The following PYY variants were observed in gnomAD, a reference collection of about 807,000 sequenced individuals.
PYY encodes peptide YY.
A neutral mutation model predicts 10.3 loss-of-function variants in PYY; 12 were observed. The observed-to-expected ratio is 1.17, with a 90% CI of 0.75 to 1.89. PYY has a LOEUF of 1.89. Ranked by LOEUF, PYY falls within the 40% of genes most tolerant of loss-of-function variation. The pLI is 0.00. For synonymous variants in PYY, 66 were observed against 62.0 expected, an observed-to-expected ratio of 1.06 and a Z score of -0.30; for missense variants, 141 against 134.0, an observed-to-expected ratio of 1.05 and a Z score of -0.26.
chr17:43,957,841 A>G (rs2048684376), upstream of PYY: 1 of 154,562 alleles, frequency 6.5e-6, no homozygotes, highest in South Asian at 2.0e-4. Flanking sequence ...AGCTACCTTG[A>G]GAAGAGCAGG....
intron 1 of PYY, among the ~76,000 whole-genome samples, chr17:43,997,190 C>T (rs2048997351): frequency 1.3e-5 from 2 of 152,094 alleles, no homozygotes; most frequent in Admixed American, 1.3e-4. Flanking sequence ...AGGCATGCAC[C>T]ACCACGCCTG....
At chr17:43,998,044 T>C (rs2049002296) in intron 1 of PYY, among the ~76,000 whole-genome samples, 1 of 152,062 alleles carries the variant, frequency 6.6e-6, no homozygotes, top group African/African-American at 2.4e-5. Context: ...GTTCAAGTCA[T>C]TCTCCTGCCT....
At chr17:43,976,238 T>C (rs535530346) in intron 1 of PYY, among the ~76,000 whole-genome samples, 6 of 140,494 alleles carry the variant, frequency 4.3e-5, no homozygotes, top group Non-Finnish European at 9.1e-5. Flanking sequence ...TACATATGCG[T>C]ATATATACAC....
upstream of PYY, chr17:43,957,817 G>C (rs544028647): frequency 2.6e-5 from 4 of 154,536 alleles, no homozygotes; most frequent in African/African-American, 9.6e-5. Flanking sequence ...AGGAAGTGAG[G>C]AAGCAAACCA....
chr17:43,998,936 C>G (rs1321921560), intron 1 of PYY, among the ~76,000 whole-genome samples: 1 of 152,086 alleles, frequency 6.6e-6, no homozygotes, highest in Non-Finnish European at 1.5e-5. Flanking sequence ...ATCTGCAGTT[C>G]AGAAGAATGG....
chr17:43,995,328 TGTTTGGTTTG>T (rs1002246313), intron 1 of PYY, among the ~76,000 whole-genome samples: 2 of 152,260 alleles, frequency 1.3e-5, no homozygotes, highest in East Asian at 1.9e-4. Flanking sequence ...TAACCGTTTT[TGTTTGGTTTG>T]GTTTGGTTTG....
chr17:43,953,564 C>CG, intron 1 of PYY, 81 bp from the exon 2 acceptor site: 3 of 1,284,610 alleles, frequency 2.3e-6, no homozygotes, highest in Non-Finnish European at 3.2e-6. Flanking sequence ...GTCGGGGCCG[C>CG]GCTCCGACGC....
chr17:43,959,268 C>T (rs1329256776), intron 2 of PYY, among the ~76,000 whole-genome samples: 1 of 152,214 alleles, frequency 6.6e-6, no homozygotes, highest in Non-Finnish European at 1.5e-5. Context: ...TGGTCAATGA[C>T]TCAGACCTGT....
rs1412486994 is a variant in PYY at position 43,953,130 on chromosome 17, T to C, written c.248A>G (p.Glu83Gly). 1 of 1,613,984 alleles carries C rather than the reference T, an allele frequency of 6.2e-7. No homozygotes were observed. The highest frequency in any genetic ancestry group is 8.5e-7 in the Non-Finnish European group (1 of 1,179,924). The part of the protein sequence containing the change: ...LLSKTFFPDG[E>G]DRPVRSRSEG... ...TTACCGCGACCTGACGGGGCGGTCC[T>C]CGCCGTCGGGGAAGAACGTTTTGGA... Residue 83 changes from glutamate (E) to glycine (G), a missense_variant, in exon 3 of 4, where the codon GAG becomes GGG. Coordinates refer to ENST00000692052, the MANE Select transcript of PYY (RefSeq NM_001394028.1).
chr17:43,987,150 G>C lies in PYY; in HGVS notation c.-463+17241C>G, dbSNP rs2048921104. On this transcript the variant is annotated intron_variant, in intron 1 of 6. Coordinates refer to the PYY transcript ENST00000360085. The surrounding 1 kb of genome is among the most constrained non-coding windows in gnomAD (Gnocchi z 4.0). ...ATGGTGACCGTGGCCCTGAAACCAT[G>C]TCTCTATTACCAATATCATCAGACT... is the stretch of plus-strand genomic sequence containing the variant. Among the ~76,000 whole-genome samples, 1 of 152,102 alleles carries C rather than the reference G, an allele frequency of 6.6e-6. No homozygotes were observed. The highest frequency in any genetic ancestry group is 2.4e-5 in the African/African-American group (1 of 41,390).
Position 43,952,919 on chromosome 17 carries a change from C to T in PYY, c.*37G>A, listed in dbSNP as rs2048641197. 1.2e-5 allele frequency: 19 copies of T among 1,529,844 alleles called. No individual in the cohort carries two copies. Among genetic ancestry groups the T allele is most frequent in the Non-Finnish European group, 1.7e-5 (19 of 1,142,326 alleles). 94.8% of individuals were successfully genotyped at this position (1,529,844 alleles called of 1,614,324 possible). On this transcript the variant is annotated 3_prime_UTR_variant, in exon 4 of 4. Coordinates refer to ENST00000692052, the MANE Select transcript of PYY (RefSeq NM_001394028.1). ...GGAGTGCGTATGCAAATGACGTGGGCGTGGTTGGCAGATCTCCCAGGAGGC... is the reference window on the plus strand; with the variant it reads ...GGAGTGCGTATGCAAATGACGTGGGTGTGGTTGGCAGATCTCCCAGGAGGC...
intron 1 of PYY, among the ~76,000 whole-genome samples, chr17:43,988,510 T>C (rs918792872): frequency 6.6e-6 from 1 of 152,138 alleles, no homozygotes; most frequent in African/African-American, 2.4e-5. Context: ...TCACCTGCCC[T>C]GGGTTGACTG....
chr17:43,985,537 C>T (rs940967106), intron 1 of PYY, among the ~76,000 whole-genome samples: 2 of 152,188 alleles, frequency 1.3e-5, no homozygotes, highest in African/African-American at 2.4e-5. Flanking sequence ...TGGCAAGTTC[C>T]CTCACAACAC....
intron 1 of PYY, among the ~76,000 whole-genome samples, chr17:43,993,264 A>T (rs1232786426): frequency 6.6e-6 from 1 of 151,934 alleles, no homozygotes; most frequent in Non-Finnish European, 1.5e-5. Flanking sequence ...ATCGAGACCA[A>T]CCTGGCTAAC....
intron 1 of PYY, among the ~76,000 whole-genome samples, chr17:43,980,918 TGTA>T (rs1363188483): frequency 6.6e-6 from 1 of 152,238 alleles, no homozygotes; most frequent in East Asian, 1.9e-4. Flanking sequence ...ATTTATTTGT[TGTA>T]GTATTTACAG....
upstream of PYY, chr17:43,958,135 C>CAAAAAAAAAAAAAACA (rs2048687217): frequency 2.1e-5 from 1 of 47,274 alleles, no homozygotes; most frequent in Non-Finnish European, 3.7e-5. Context: ...CTGAATACAC[C>CAAAAAAAAAAAAAACA]AAAAAAAAAA....
At chr17:43,967,566 A>G (rs374158811) in intron 1 of PYY, among the ~76,000 whole-genome samples, 3 of 152,160 alleles carry the variant, frequency 2.0e-5, no homozygotes, top group African/African-American at 7.2e-5. Flanking sequence ...TAAGGGCCTC[A>G]GTTTTGTCAT....
chr17:43,980,156 C>CTTTTTT (rs569138857), intron 1 of PYY, among the ~76,000 whole-genome samples: 13 of 100,656 alleles, frequency 1.3e-4, no homozygotes, highest in African/African-American at 2.6e-4. Flanking sequence ...TCCCCTCCAC[C>CTTTTTT]TTTTTTTTTT....
intron 1 of PYY, among the ~76,000 whole-genome samples, chr17:43,973,267 T>A (rs1466413679): frequency 6.6e-6 from 1 of 152,184 alleles, no homozygotes; most frequent in Non-Finnish European, 1.5e-5. Context: ...CCTCCTACTG[T>A]AAGCACCCAT....
Sources: gnomAD v4.1 joint callset for allele counts (sites outside exome capture counted in the v4.1 genomes callset) on GRCh38, gnomAD v4.1.1 for gene constraint, Gnocchi (gnomAD v3.1) non-coding constraint, MANE v1.5 for transcripts, NCBI Gene and HGNC (gene_info 2026-07-23, HGNC 2026-07-21) for gene names.